The following MACROD2 variants were observed in gnomAD, a reference collection of about 807,000 sequenced individuals.
The protein encoded by MACROD2 is ADP-ribose glycohydrolase MACROD2.
Under a neutral mutation model 70.4 loss-of-function variants are expected in MACROD2, and 36 were observed. The observed-to-expected ratio is 0.51, with a 90% CI of 0.39 to 0.68. The LOEUF (loss-of-function observed/expected upper bound fraction) is 0.68. Among genes scored for constraint, MACROD2 ranks in the 30% least tolerant of loss-of-function variants. MACROD2 has a pLI of 0.00. For missense variants in MACROD2, 496 were observed against 538.4 expected, an observed-to-expected ratio of 0.92 and a Z score of 0.78; for synonymous variants, 172 against 178.8, an observed-to-expected ratio of 0.96 and a Z score of 0.30.
chr20:14,592,624 T>C lies in MACROD2; in HGVS notation c.302-92219T>C, dbSNP rs145890159. On this transcript the variant is annotated intron_variant, in intron 4 of 17. Coordinates refer to ENST00000684519, the MANE Select transcript of MACROD2 (RefSeq NM_001351661.2). ...AAAAGATTTTTGTAGCGACAGGGCC[T>C]TGCCATGTTTCCCAGGCTAGTCTGG... Among the ~76,000 whole-genome samples, 817 of 152,228 alleles carry C rather than the reference T, an allele frequency of 5.4e-3. 9 individuals carry two copies. The highest frequency in any genetic ancestry group is 0.018 in the African/African-American group (764 of 41,526).
intron 5 of MACROD2, among the ~76,000 whole-genome samples, chr20:15,070,104 C>T (rs1405907343): frequency 1.3e-5 from 2 of 152,140 alleles, no homozygotes; most frequent in Non-Finnish European, 2.9e-5. Flanking sequence ...CCCCTCACAC[C>T]AGTGTGCTTA....
At chr20:14,776,454 A>G (rs543030653) in intron 5 of MACROD2, among the ~76,000 whole-genome samples, 1 of 152,206 alleles carries the variant, frequency 6.6e-6, no homozygotes, top group African/African-American at 2.4e-5. Context: ...CTGATACACA[A>G]TAATGACAAT....
intron 3 of MACROD2, among the ~76,000 whole-genome samples, chr20:14,463,548 C>T (rs890523681): frequency 1.3e-5 from 2 of 151,962 alleles, no homozygotes; most frequent in African/African-American, 4.8e-5. Context: ...GCCTGATTGC[C>T]CTGACCAGAA....
intron 3 of MACROD2, among the ~76,000 whole-genome samples, chr20:14,138,457 G>T (rs1050263123): frequency 6.6e-6 from 1 of 152,016 alleles, no homozygotes; most frequent in Non-Finnish European, 1.5e-5. Flanking sequence ...TGTTATTTGT[G>T]ACAGTAGTGA....
intron 4 of MACROD2, among the ~76,000 whole-genome samples, chr20:14,667,201 C>G (rs1404642940): frequency 6.6e-6 from 1 of 152,022 alleles, no homozygotes; most frequent in Non-Finnish European, 1.5e-5. Context: ...ATCATTCATT[C>G]CCTGAGGTTG....
At chr20:15,237,585 G>C (rs2077024883) in intron 6 of MACROD2, among the ~76,000 whole-genome samples, 2 of 152,010 alleles carry the variant, frequency 1.3e-5, no homozygotes, top group Non-Finnish European at 2.9e-5. Context: ...GGTGTTGTGT[G>C]CACGTGCTTT....
intron 8 of MACROD2, among the ~76,000 whole-genome samples, chr20:15,819,467 A>G (rs973493211): frequency 6.9e-5 from 10 of 145,570 alleles, no homozygotes; most frequent in Admixed American, 4.2e-4. Flanking sequence ...ATATATAAGT[A>G]TATAAATATA....
At chr20:14,228,411 C>T (rs1601375352) in intron 3 of MACROD2, among the ~76,000 whole-genome samples, 1 of 150,366 alleles carries the variant, frequency 6.7e-6, no homozygotes, top group South Asian at 2.1e-4. Context: ...GATCTCGGCT[C>T]ACTGCAAGCT....
chr20:14,280,283 A>G (rs111237534), intron 3 of MACROD2, among the ~76,000 whole-genome samples: 2,712 of 152,288 alleles, frequency 0.018, 45 homozygotes, highest in Non-Finnish European at 0.028. Context: ...CCACATTCGT[A>G]GTTACTTAAA....
chr20:15,132,534 A>G (rs922221434), intron 5 of MACROD2, among the ~76,000 whole-genome samples: 1 of 151,994 alleles, frequency 6.6e-6, no homozygotes, highest in African/African-American at 2.4e-5. Context: ...AAACTTTTAT[A>G]TAGCCCAAAA....
intron 3 of MACROD2, among the ~76,000 whole-genome samples, chr20:14,444,979 A>T (rs2084167813): frequency 6.6e-6 from 1 of 151,972 alleles, no homozygotes; most frequent in Admixed American, 6.6e-5. Context: ...GATTGCTACA[A>T]TAGCCTTTGT....
chr20:14,739,641 A>T (rs2071709848), intron 5 of MACROD2, among the ~76,000 whole-genome samples: 1 of 152,026 alleles, frequency 6.6e-6, no homozygotes, highest in Non-Finnish European at 1.5e-5. Context: ...AAGGGAGGAA[A>T]AATATATAAA....
intron 5 of MACROD2, among the ~76,000 whole-genome samples, chr20:14,922,051 T>A (rs569571937): frequency 6.6e-6 from 1 of 152,166 alleles, no homozygotes; most frequent in Non-Finnish European, 1.5e-5. Flanking sequence ...CAACTTGGAG[T>A]TGGGAAGAAC....
At chr20:15,360,564 A>G (rs1397610975) in intron 6 of MACROD2, among the ~76,000 whole-genome samples, 2 of 152,098 alleles carry the variant, frequency 1.3e-5, no homozygotes, top group African/African-American at 4.8e-5. Flanking sequence ...TTAAAAGTTT[A>G]TCTTAACTTT....
At chr20:14,903,165 C>G (rs535861274) in intron 5 of MACROD2, among the ~76,000 whole-genome samples, 2 of 151,670 alleles carry the variant, frequency 1.3e-5, no homozygotes, top group Non-Finnish European at 2.9e-5. Flanking sequence ...CCTCAGCCTC[C>G]CGAGTAGCTG....
chr20:16,001,953 C>T (rs1344808436), intron 15 of MACROD2, among the ~76,000 whole-genome samples: 1 of 151,264 alleles, frequency 6.6e-6, no homozygotes. Flanking sequence ...AAACCTTATG[C>T]AATGAGAAAC....
chr20:14,395,572 G>T (rs2083572512), intron 3 of MACROD2, among the ~76,000 whole-genome samples: 2 of 151,246 alleles, frequency 1.3e-5, no homozygotes, highest in South Asian at 2.1e-4. Context: ...CTGTCATTTT[G>T]TTTTTTATTT....
chr20:15,279,287 C>A (rs2077422215), intron 6 of MACROD2, among the ~76,000 whole-genome samples: 1 of 152,128 alleles, frequency 6.6e-6, no homozygotes, highest in East Asian at 1.9e-4. Context: ...TACAATTACC[C>A]ATATGACCTT....
At chr20:14,398,710 A>G (rs2083606032) in intron 3 of MACROD2, among the ~76,000 whole-genome samples, 1 of 152,130 alleles carries the variant, frequency 6.6e-6, no homozygotes, top group African/African-American at 2.4e-5. Flanking sequence ...TCCGTCCTAC[A>G]GGTTATCTCT....
Sources: allele counts gnomAD v4.1 joint callset (sites outside exome capture counted in the v4.1 genomes callset), GRCh38; gene constraint gnomAD v4.1.1; transcripts MANE v1.5; gene names NCBI Gene and HGNC (gene_info 2026-07-23, HGNC 2026-07-21).